The following NRXN3 variants were observed in gnomAD, a reference collection of about 807,000 sequenced individuals.
NRXN3 encodes neurexin 3.
A neutral mutation model predicts 137.6 loss-of-function variants in NRXN3; 32 were observed. The observed-to-expected ratio is 0.23, with a 90% CI of 0.18 to 0.31. The LOEUF (loss-of-function observed/expected upper bound fraction) is 0.31. NRXN3 is among the 10% of genes least tolerant of loss of function. The pLI, the probability that NRXN3 is intolerant of heterozygous loss-of-function variation, is 1.00. For synonymous variants in NRXN3, 798 were observed against 784.5 expected (o/e 1.02, Z -0.29); for missense variants, 1,574 against 2,062.5 (o/e 0.76, Z 4.59).
At chr14:79,244,158 G>T (rs1285833782) in intron 15 of NRXN3, among the ~76,000 whole-genome samples, 2 of 152,094 alleles carry the variant, frequency 1.3e-5, no homozygotes, top group Non-Finnish European at 2.9e-5. Context: ...CCAAGATCTA[G>T]GCATTGAAGT....
chr14:78,530,203 T>C (rs2096440564), intron 4 of NRXN3, among the ~76,000 whole-genome samples: 5 of 152,184 alleles, frequency 3.3e-5, no homozygotes, highest in East Asian at 1.9e-4. Flanking sequence ...GGCTGTGAAT[T>C]CCGCCTTTTT....
At chr14:78,178,868 G>C in intron 1 of NRXN3, among the ~76,000 whole-genome samples, 1 of 152,128 alleles carries the variant, frequency 6.6e-6, no homozygotes, top group East Asian at 1.9e-4. Context: ...CTGGGAATTG[G>C]ATCATCTAAA....
At chr14:79,070,937 T>A (rs1203969193) in intron 15 of NRXN3, among the ~76,000 whole-genome samples, 1 of 152,186 alleles carries the variant, frequency 6.6e-6, no homozygotes, top group Non-Finnish European at 1.5e-5. Flanking sequence ...GGTCGCAGTT[T>A]AACGATGTAG....
chr14:79,717,047 G>C (rs778999668), intron 19 of NRXN3, among the ~76,000 whole-genome samples: 1 of 152,138 alleles, frequency 6.6e-6, no homozygotes, highest in Non-Finnish European at 1.5e-5. Context: ...CAGAAGACAA[G>C]GCTCTTTTTC....
At chr14:79,754,005 T>G (rs1472159503) in intron 19 of NRXN3, among the ~76,000 whole-genome samples, 1 of 151,840 alleles carries the variant, frequency 6.6e-6, no homozygotes, top group Non-Finnish European at 1.5e-5. Context: ...TGATTTAAAG[T>G]ACATGGGAGA....
At chr14:79,087,093 G>A (rs757803080) in intron 15 of NRXN3, among the ~76,000 whole-genome samples, 60 of 152,170 alleles carry the variant, frequency 3.9e-4, no homozygotes, top group Non-Finnish European at 6.9e-4. Flanking sequence ...CCTTGTCTAC[G>A]AGGAACATCT....
intron 15 of NRXN3, among the ~76,000 whole-genome samples, chr14:79,361,662 A>G (rs920894339): frequency 1.2e-4 from 18 of 152,278 alleles, no homozygotes; most frequent in African/African-American, 3.4e-4. Context: ...GGTTGCAGTG[A>G]GCTGAAATCA....
At chr14:79,402,352 C>G (rs1179480329) in intron 15 of NRXN3, among the ~76,000 whole-genome samples, 1 of 152,198 alleles carries the variant, frequency 6.6e-6, no homozygotes, top group Non-Finnish European at 1.5e-5. Flanking sequence ...GTGCAATGCA[C>G]ATGCATATTC....
At chr14:79,121,030 A>G (rs1157944628) in intron 15 of NRXN3, among the ~76,000 whole-genome samples, 1 of 152,226 alleles carries the variant, frequency 6.6e-6, no homozygotes, top group Non-Finnish European at 1.5e-5. Flanking sequence ...CTCTACTCTG[A>G]GCATTACAGA....
chr14:79,305,618 G>T (rs115321371), intron 15 of NRXN3, among the ~76,000 whole-genome samples: 1 of 151,994 alleles, frequency 6.6e-6, no homozygotes, highest in Non-Finnish European at 1.5e-5. Context: ...TAGAACCCCG[G>T]GGATTAGTTT....
At chr14:78,573,461 C>T (rs568547370) in intron 4 of NRXN3, among the ~76,000 whole-genome samples, 26 of 152,212 alleles carry the variant, frequency 1.7e-4, no homozygotes, top group African/African-American at 6.3e-4. Context: ...ACAATGAAGT[C>T]CTCAGATGGG....
At chr14:79,814,310 C>T (rs1037439176) in intron 20 of NRXN3, among the ~76,000 whole-genome samples, 2 of 152,196 alleles carry the variant, frequency 1.3e-5, no homozygotes, top group Admixed American at 6.5e-5. Context: ...TGTCCACTGT[C>T]GTGGTGTTGT....
At chr14:79,785,772 A>G (rs2099127584) in intron 19 of NRXN3, among the ~76,000 whole-genome samples, 1 of 152,158 alleles carries the variant, frequency 6.6e-6, no homozygotes, top group African/African-American at 2.4e-5. Context: ...CAACCTTGGC[A>G]TAGTTGGGAC....
chr14:78,453,624 A>G (rs948668542), intron 4 of NRXN3, among the ~76,000 whole-genome samples: 6 of 152,214 alleles, frequency 3.9e-5, no homozygotes, highest in Non-Finnish European at 7.3e-5. Flanking sequence ...CTCTCAAAAG[A>G]TGTTGAAATT....
intron 15 of NRXN3, among the ~76,000 whole-genome samples, chr14:79,222,041 T>G (rs1373319127): frequency 2.0e-5 from 3 of 152,188 alleles, no homozygotes; most frequent in Non-Finnish European, 4.4e-5. Flanking sequence ...TTTTGTCAGG[T>G]TTGTCAAAGA....
intron 15 of NRXN3, among the ~76,000 whole-genome samples, chr14:79,157,295 C>A (rs1180928121): frequency 6.6e-6 from 1 of 151,774 alleles, no homozygotes; most frequent in East Asian, 1.9e-4. Context: ...ACATCTCTAT[C>A]AGCTTGTCTT....
chr14:78,215,875 T>C (rs1311753434), intron 1 of NRXN3, among the ~76,000 whole-genome samples: 1 of 152,114 alleles, frequency 6.6e-6, no homozygotes, highest in Non-Finnish European at 1.5e-5. Context: ...TCTTCCTTCT[T>C]AAGGGCATCC....
In NRXN3 at chr14:79,858,634, T is replaced by G. The variant is rs904075194; in HGVS notation, c.4094-2708T>G. 2.0e-5 allele frequency among the ~76,000 whole-genome samples: 3 copies of G among 151,806 alleles called. No homozygotes were observed. The South Asian group carries it at 6.2e-4, about 32-fold the overall frequency. On this transcript the variant is annotated intron_variant, in intron 20 of 20. Transcript: ENST00000335750. ...ACACATGTTAAACCTGTGTTACAGA[T>G]AAGTTAAAAAAAAAAATCCTGCCTT...
intron 15 of NRXN3, among the ~76,000 whole-genome samples, chr14:79,320,130 G>A (rs2089708622): frequency 6.6e-6 from 1 of 152,052 alleles, no homozygotes; most frequent in South Asian, 2.1e-4. Flanking sequence ...AGTACACACA[G>A]GATTGTGGTT....
Sources: allele counts gnomAD v4.1 joint callset (sites outside exome capture counted in the v4.1 genomes callset), GRCh38; gene constraint gnomAD v4.1.1; transcripts MANE v1.5; gene names NCBI Gene and HGNC (gene_info 2026-07-23, HGNC 2026-07-21).